Variants in TBC1D4 observed in about 807,000 individuals in gnomAD.
TBC1D4 encodes the protein TBC1 domain family member 4.
A neutral mutation model predicts 142.5 loss-of-function variants in TBC1D4; 121 were observed. That is an observed-to-expected ratio of 0.85 (90% CI 0.73 to 0.99). TBC1D4 has a LOEUF of 0.99. TBC1D4 is among the 50% of genes least tolerant of loss of function. The probability of loss-of-function intolerance (pLI) is 0.00; values close to 1 mark genes in which losing one functional copy is unlikely to be tolerated. For synonymous variants in TBC1D4, 630 were observed against 628.2 expected, an observed-to-expected ratio of 1.00 and a Z score of -0.04; for missense variants, 1,475 against 1,606.6, an observed-to-expected ratio of 0.92 and a Z score of 1.40.
chr13:75,449,268 A>C (rs1024923206), intron 1 of TBC1D4, among the ~76,000 whole-genome samples: 3 of 151,816 alleles, frequency 2.0e-5, no homozygotes, highest in Non-Finnish European at 4.4e-5. Flanking sequence ...ATATGTATAC[A>C]CACACATATA....
chr13:75,313,491 C>A (rs868530363), intron 12 of TBC1D4, among the ~76,000 whole-genome samples: 1 of 152,124 alleles, frequency 6.6e-6, no homozygotes, highest in Non-Finnish European at 1.5e-5. Flanking sequence ...GATTGGATGG[C>A]TAAGTTAAAA....
chr13:75,455,463 C>T (rs1246643750), intron 1 of TBC1D4, among the ~76,000 whole-genome samples: 4 of 152,054 alleles, frequency 2.6e-5, no homozygotes, highest in Non-Finnish European at 5.9e-5. Context: ...TTAACCAAGC[C>T]AAGTGCCGTG....
chr13:75,443,677 C>G (rs188770990), intron 1 of TBC1D4, among the ~76,000 whole-genome samples: 1 of 152,310 alleles, frequency 6.6e-6, no homozygotes, highest in African/African-American at 2.4e-5. Flanking sequence ...TTTTTCCAGT[C>G]AACTTCGCTT....
Position 75,295,031 on chromosome 13 carries a change from A to G in TBC1D4, c.3157-18T>C. The G allele has an allele frequency of 6.2e-7, 1 of 1,612,794 alleles. No individual in the cohort carries two copies. ...ATTTGAATCTAAAGTTAATTTGGAGAAGAAAAAAAATATTATGCATTTATC... is the reference window on the plus strand; with the variant it reads ...ATTTGAATCTAAAGTTAATTTGGAGGAGAAAAAAAATATTATGCATTTATC... On this transcript the variant is annotated intron_variant, in intron 17 of 20. Coordinates refer to ENST00000377636, the MANE Select transcript of TBC1D4 (RefSeq NM_014832.5).
At chr13:75,315,369 T>C (rs190654938) in intron 12 of TBC1D4, among the ~76,000 whole-genome samples, 12,736 of 137,666 alleles carry the variant, frequency 0.093, 810 homozygotes, top group African/African-American at 0.19. Flanking sequence ...TATATATATA[T>C]ACACACACAC....
At position 75,361,949 on chromosome 13, in the gene TBC1D4, T is replaced by C. The variant is rs866130916; in HGVS notation, c.1080+77A>G. 2.0e-5 allele frequency: 30 copies of C among 1,504,572 alleles called. No individual in the cohort carries two copies. The Middle Eastern group carries it at 2.6e-3, about 128-fold the overall frequency. The allele number at this position is 1,504,572 out of a possible 1,614,324, so 93.2% of individuals were successfully genotyped here. A position where few individuals can be genotyped will look rare whatever the true frequency, so the allele number is the denominator to read the frequency against. On this transcript the variant is annotated intron_variant, in intron 2 of 20. Coordinates refer to ENST00000377636, the MANE Select transcript of TBC1D4 (RefSeq NM_014832.5). ...ATTATTCGTTATATAGAGGTGGAGC[T>C]GGGAGGAACTGGATGCCCAGCTACT...
At chr13:75,389,450 T>G (rs1447129351) in intron 1 of TBC1D4, among the ~76,000 whole-genome samples, 2 of 152,242 alleles carry the variant, frequency 1.3e-5, no homozygotes, top group African/African-American at 4.8e-5. Flanking sequence ...ACTATTAGTT[T>G]TTTTAATGTA....
chr13:75,333,289 G>A (rs1879910188), intron 8 of TBC1D4, among the ~76,000 whole-genome samples: 1 of 152,190 alleles, frequency 6.6e-6, no homozygotes, highest in Non-Finnish European at 1.5e-5. Flanking sequence ...CAGGCAGTGT[G>A]CTGGGTACAG....
chr13:75,378,433 G>A (rs2138242676), intron 1 of TBC1D4, among the ~76,000 whole-genome samples: 1 of 152,206 alleles, frequency 6.6e-6, no homozygotes. Context: ...AACAATGAGA[G>A]AAAACATTAA....
rs906601875 is a variant in TBC1D4, at chr13:75,284,476, T to G, written c.*2316A>C. Among the ~76,000 whole-genome samples, 10 of 152,122 alleles carry G rather than the reference T, an allele frequency of 6.6e-5. No homozygotes were observed. Among genetic ancestry groups the G allele is most frequent in the Non-Finnish European group, 2.9e-5 (2 of 68,024 alleles). On this transcript the variant is annotated 3_prime_UTR_variant, in exon 21 of 21. Coordinates refer to ENST00000377636, the MANE Select transcript of TBC1D4 (RefSeq NM_014832.5). Reference sequence around the variant, plus strand: ...CTGCATGCACAGTTCACAATAGGGTTTGCGCTCCTATGAGAATCTAATGCC... The same window carrying G: ...CTGCATGCACAGTTCACAATAGGGTGTGCGCTCCTATGAGAATCTAATGCC...
At chr13:75,290,975 T>C (rs970533938) in intron 19 of TBC1D4, among the ~76,000 whole-genome samples, 1 of 152,164 alleles carries the variant, frequency 6.6e-6, no homozygotes, top group Non-Finnish European at 1.5e-5. Context: ...ACTTTATCAA[T>C]GCTCATAAAG....
Position 75,455,342 on chromosome 13 carries a change from C to T in TBC1D4, c.498+25928G>A, listed in dbSNP as rs1439507388. Among the ~76,000 whole-genome samples the T allele has an allele frequency of 2.0e-5, 3 of 152,074 alleles. No homozygotes were observed. In the East Asian group the frequency reaches 5.8e-4, roughly 29 times the overall value. On this transcript the variant is annotated intron_variant, in intron 1 of 20. Coordinates refer to ENST00000377636, the MANE Select transcript of TBC1D4 (RefSeq NM_014832.5). ...AAGTCAACTGTGTTTGTCCCCAGTC[C>T]TATTTGTGCTTACTATACAACGATT...
chr13:75,361,670 G>A (rs1489167991), intron 2 of TBC1D4, among the ~76,000 whole-genome samples: 1 of 152,138 alleles, frequency 6.6e-6, no homozygotes, highest in African/African-American at 2.4e-5. Flanking sequence ...GTGAGCCCCC[G>A]CGCCGGGCCT....
chr13:75,385,017 A>T (rs944053437), intron 1 of TBC1D4, among the ~76,000 whole-genome samples: 5 of 152,226 alleles, frequency 3.3e-5, no homozygotes, highest in Non-Finnish European at 7.3e-5. Flanking sequence ...TCAGCAGATA[A>T]TAAGATGTCC....
intron 1 of TBC1D4, among the ~76,000 whole-genome samples, chr13:75,405,827 A>AC (rs1555317568): frequency 1.4e-4 from 11 of 76,486 alleles, no homozygotes; most frequent in South Asian, 7.4e-4. Context: ...CAAAGAGTAG[A>AC]CCCAAAAAAA....
At position 75,404,002 on chromosome 13, in the gene TBC1D4, A is replaced by T. The variant is rs919591869; in HGVS notation, c.499-41395T>A. On this transcript the variant is annotated intron_variant, in intron 1 of 20. Coordinates refer to ENST00000377636, the MANE Select transcript of TBC1D4 (RefSeq NM_014832.5). ...GAAAGTTCAAGGAAATCAGGTATTT[A>T]TATATATAGGTGGTGTAACTGTAAA... Among the ~76,000 whole-genome samples, 4 of 152,080 alleles carry T rather than the reference A, an allele frequency of 2.6e-5. 1 individual carries two copies.
intron 1 of TBC1D4, among the ~76,000 whole-genome samples, chr13:75,458,145 G>A (rs9543933): frequency 0.39 from 59,275 of 151,892 alleles, 14,391 homozygotes; most frequent in East Asian, 0.62. Context: ...CAGGTCACTC[G>A]GACTTGAAGG....
intron 1 of TBC1D4, among the ~76,000 whole-genome samples, chr13:75,451,721 G>T (rs1441117400): frequency 9.4e-5 from 14 of 148,856 alleles, no homozygotes; most frequent in African/African-American, 3.2e-4. Context: ...ATTTATATGT[G>T]CTCTATATTA....
At chr13:75,401,852 G>A (rs774271411) in intron 1 of TBC1D4, among the ~76,000 whole-genome samples, 2 of 152,094 alleles carry the variant, frequency 1.3e-5, no homozygotes, top group Non-Finnish European at 2.9e-5. Context: ...TTTCAGTCCT[G>A]GAGACTGGAA....
Sources: gnomAD v4.1 joint callset for allele counts (sites outside exome capture counted in the v4.1 genomes callset) on GRCh38, gnomAD v4.1.1 for gene constraint, MANE v1.5 for transcripts, NCBI Gene and HGNC (gene_info 2026-07-23, HGNC 2026-07-21) for gene names.